Variants in GAPVD1 observed in about 807,000 individuals in gnomAD.
The protein encoded by GAPVD1 is GTPase-activating protein and VPS9 domain-containing protein 1.
GAPVD1 carries 35 observed loss-of-function variants against 155.5 expected under a neutral mutation model. That is an observed-to-expected ratio of 0.23 (90% CI 0.17 to 0.30). GAPVD1 has a LOEUF of 0.30. Among genes scored for constraint, GAPVD1 ranks in the 10% least tolerant of loss-of-function variants. The probability of loss-of-function intolerance (pLI) is 1.00; values close to 1 mark genes in which losing one functional copy is unlikely to be tolerated. For missense variants in GAPVD1, 1,429 were observed against 1,775.7 expected (o/e 0.80, Z 3.51); for synonymous variants, 636 against 619.7 (o/e 1.03, Z -0.39).
At chr9:125,313,509 T>C (rs2131283448) in intron 9 of GAPVD1, among the ~76,000 whole-genome samples, 1 of 152,194 alleles carries the variant, frequency 6.6e-6, no homozygotes, top group East Asian at 1.9e-4. Flanking sequence ...TCCACCGTGT[T>C]AGCCAGGATG....
Position 125,332,580 on chromosome 9 carries a change from T to C in GAPVD1, c.2379T>C (p.Phe793=), listed in dbSNP as rs1403915011. The change falls in exon 15 of 28, where the codon TTT becomes TTC. Residue 793 remains phenylalanine (F), a synonymous_variant. Transcript: ENST00000297933. ...EDLRSECSSD[F]GGKDSVTSPD... is the part of the protein sequence containing the mutation. ...TGAGATCTGAGTGCAGCTCTGATTT[T>C]GGGGGTAAAGATTCTGTCACTAGTC... is the stretch of plus-strand genomic sequence containing the variant. 1.2e-6 allele frequency: 2 copies of C among 1,608,908 alleles called. No homozygotes were observed. The highest frequency in any genetic ancestry group is 2.2e-5 in the South Asian group (2 of 90,866).
At chr9:125,278,081 G>A (rs1197440857) in intron 2 of GAPVD1, among the ~76,000 whole-genome samples, 1 of 152,154 alleles carries the variant, frequency 6.6e-6, no homozygotes. Flanking sequence ...AACTGCTCCT[G>A]CACTGAAGGG....
chr9:125,359,997 C>G (rs1052604949), intron 26 of GAPVD1: 2 of 155,614 alleles, frequency 1.3e-5, no homozygotes, highest in Non-Finnish European at 2.8e-5. Flanking sequence ...GTTACAACCC[C>G]CACTAATGAG....
chr9:125,365,454 C>CTAT lies in GAPVD1; in HGVS notation c.*2708_*2709insTAT, dbSNP rs1851420026. ...ATCAGCCCAGGAAACATTCAGCAGC[C>CTAT]ACTAGTTACTACATAGAATTTATAA... On this transcript the variant is annotated 3_prime_UTR_variant, in exon 28 of 28. Transcript: ENST00000297933. 1 of 151,858 alleles carries CTAT rather than the reference C, an allele frequency of 6.6e-6. No homozygotes were observed. Among genetic ancestry groups the CTAT allele is most frequent in the African/African-American group, 2.4e-5 (1 of 41,324 alleles). 9.4% of individuals were successfully genotyped at this position (151,858 alleles called of 1,614,324 possible).
At chr9:125,348,380 A>G (rs1848817942) in intron 20 of GAPVD1, among the ~76,000 whole-genome samples, 1 of 152,094 alleles carries the variant, frequency 6.6e-6, no homozygotes. Flanking sequence ...TTTTTTGTAG[A>G]GGTGAGGTCT....
chr9:125,301,324 C>A (rs1378325002), intron 4 of GAPVD1, among the ~76,000 whole-genome samples: 1 of 152,158 alleles, frequency 6.6e-6, no homozygotes, highest in African/African-American at 2.4e-5. Context: ...CCCACCTTGG[C>A]CTCCCAAAGT....
intron 25 of GAPVD1, among the ~76,000 whole-genome samples, chr9:125,356,559 A>G (rs1355996831): frequency 1.3e-5 from 2 of 151,492 alleles, no homozygotes; most frequent in African/African-American, 4.9e-5. Flanking sequence ...TGGCATGATC[A>G]CAGCTCACTG....
Position 125,275,240 on chromosome 9 carries a change from T to A in GAPVD1, c.-150+6256T>A, listed in dbSNP as rs191587779. Among the ~76,000 whole-genome samples, 680 of 152,056 alleles carry A rather than the reference T, an allele frequency of 4.5e-3. 14 individuals are homozygous for A. Among genetic ancestry groups the A allele is most frequent in the Admixed American group, 0.039 (588 of 15,258 alleles). ...ACAGGCGCCTGCCACCATGCCCGGA[T>A]AATTTTTATATTTTTAGTAGAGACG... On this transcript the variant is annotated intron_variant, in intron 2 of 27. Transcript: ENST00000297933.
chr9:125,282,167 T>C (rs1318167722), intron 2 of GAPVD1, among the ~76,000 whole-genome samples: 2 of 152,074 alleles, frequency 1.3e-5, no homozygotes, highest in African/African-American at 4.8e-5. Context: ...TAGTCCCAGC[T>C]ACTCGGGAGG....
At chr9:125,313,198 C>T (rs142375436) in intron 9 of GAPVD1, among the ~76,000 whole-genome samples, 6 of 152,110 alleles carry the variant, frequency 3.9e-5, no homozygotes, top group Admixed American at 2.0e-4. Flanking sequence ...TCCAAAGGCC[C>T]GATCTCCAAA....
intron 23 of GAPVD1, among the ~76,000 whole-genome samples, chr9:125,351,300 A>C (rs184031653): frequency 4.9e-4 from 74 of 152,282 alleles, no homozygotes; most frequent in African/African-American, 1.7e-3. Context: ...CCCACAACAC[A>C]TGGGAATTCA....
At chr9:125,287,273 C>A (rs1417572315) in intron 2 of GAPVD1, among the ~76,000 whole-genome samples, 1 of 152,130 alleles carries the variant, frequency 6.6e-6, no homozygotes, top group Admixed American at 6.6e-5. Context: ...CGCAGTGGCT[C>A]ATGCCTGTAA....
At chr9:125,299,578 C>T (rs1394373750) in intron 4 of GAPVD1, among the ~76,000 whole-genome samples, 3 of 151,542 alleles carry the variant, frequency 2.0e-5, no homozygotes, top group Admixed American at 2.0e-4. Context: ...TTGCTTGAAC[C>T]CGGGAGGTGG....
At chr9:125,337,725 T>C in intron 17 of GAPVD1, 134 bp downstream of exon 17, 1 of 932,410 alleles carries the variant, frequency 1.1e-6, no homozygotes, top group South Asian at 1.8e-5. Flanking sequence ...TTTGTCAATC[T>C]ATGGGCCCAC....
intron 15 of GAPVD1, chr9:125,335,162 G>A (rs1766588573): frequency 1.3e-6 from 1 of 755,622 alleles, no homozygotes; most frequent in African/African-American, 1.7e-5. Context: ...ACATGTCCGT[G>A]TGAGGCCAGA....
At chr9:125,274,392 C>T (rs1263116233) in intron 2 of GAPVD1, among the ~76,000 whole-genome samples, 1 of 151,486 alleles carries the variant, frequency 6.6e-6, no homozygotes, top group Non-Finnish European at 1.5e-5. Flanking sequence ...CATATGCATG[C>T]ACTTACCATT....
At position 125,303,736 on chromosome 9, in the gene GAPVD1, G is replaced by A. The variant is rs1287104757; in HGVS notation, c.1029+910G>A. 1.5e-4 allele frequency among the ~76,000 whole-genome samples: 22 copies of A among 144,232 alleles called. 1 individual carries two copies. In the South Asian group the frequency reaches 2.6e-3, roughly 17 times the overall value. 94.6% of individuals were successfully genotyped at this position (144,232 alleles called of 152,430 possible). A position where few individuals can be genotyped will look rare whatever the true frequency, so the allele number is the denominator to read the frequency against. ...GGTTGCGATGAGCTGAGATTGCACC[G>A]TTGCACTCCAGCCTGGGCAACAAGA... On this transcript the variant is annotated intron_variant, in intron 5 of 27. Coordinates refer to ENST00000297933, the MANE Select transcript of GAPVD1 (RefSeq NM_001282680.3).
chr9:125,297,277 C>T (rs999655592), intron 3 of GAPVD1, among the ~76,000 whole-genome samples: 1 of 152,194 alleles, frequency 6.6e-6, no homozygotes, highest in Non-Finnish European at 1.5e-5. Flanking sequence ...GCAAACAAGG[C>T]TTGGCCCTGC....
chr9:125,276,327 G>A (rs577591516), intron 2 of GAPVD1, among the ~76,000 whole-genome samples: 39 of 152,180 alleles, frequency 2.6e-4, no homozygotes, highest in African/African-American at 8.4e-4. Context: ...AAATAATACT[G>A]ACTAAAGATA....
Sources: allele counts gnomAD v4.1 joint callset (sites outside exome capture counted in the v4.1 genomes callset), GRCh38; gene constraint gnomAD v4.1.1; transcripts MANE v1.5; gene names NCBI Gene and HGNC (gene_info 2026-07-23, HGNC 2026-07-21).